The following DCAF8 variants were observed in gnomAD, a reference collection of about 807,000 sequenced individuals.
DCAF8 encodes the protein DDB1 and CUL4 associated factor 8, also known as DDB1- and CUL4-associated factor 8.
Under a neutral mutation model 68.0 loss-of-function variants are expected in DCAF8, and 20 were observed. The ratio of observed to expected loss-of-function variants is 0.29; its 90% CI spans 0.21 to 0.43. The LOEUF (loss-of-function observed/expected upper bound fraction) is 0.43. Ranked by LOEUF, DCAF8 falls within the 20% of genes least tolerant of loss-of-function variation. The pLI is 1.00. For synonymous variants in DCAF8, 230 were observed against 276.9 expected, an observed-to-expected ratio of 0.83 and a Z score of 1.68; for missense variants, 460 against 771.0, an observed-to-expected ratio of 0.60 and a Z score of 4.78.
intron 8 of DCAF8, 75 bp downstream of exon 8, chr1:160,225,516 A>G: frequency 8.3e-7 from 1 of 1,200,458 alleles, no homozygotes; most frequent in Non-Finnish European, 1.2e-6. Flanking sequence ...TCTTCCCACC[A>G]TACCAACAAG....
intron 2 of DCAF8, among the ~76,000 whole-genome samples, chr1:160,245,117 CA>C (rs1656267396): frequency 6.6e-6 from 1 of 152,174 alleles, no homozygotes; most frequent in East Asian, 1.9e-4. Context: ...CATATAATGG[CA>C]AACACTGTTT....
intron 2 of DCAF8, among the ~76,000 whole-genome samples, chr1:160,258,199 T>C (rs1656915384): frequency 6.6e-6 from 1 of 151,954 alleles, no homozygotes; most frequent in Non-Finnish European, 1.5e-5. Context: ...ATACAAAAAT[T>C]AGCCAGGTAC....
chr1:160,246,915 T>C (rs1196069047), intron 2 of DCAF8, among the ~76,000 whole-genome samples: 4 of 152,152 alleles, frequency 2.6e-5, no homozygotes, highest in Non-Finnish European at 4.4e-5. Flanking sequence ...CCTGTGATTA[T>C]ACCACTTCTC....
chr1:160,261,578 C>T (rs1221975040), intron 1 of DCAF8: 5 of 152,208 alleles, frequency 3.3e-5, no homozygotes, highest in Admixed American at 2.0e-4. Flanking sequence ...CCCAGCTCCA[C>T]TAAAACGTAA....
rs1461372344 is a variant in DCAF8, at chr1:160,217,643, G to A, written c.1743C>T (p.Asp581=). Residue 581 remains aspartate, a synonymous_variant, in exon 14 of 14, where the codon GAC becomes GAT. Transcript: ENST00000368074. ...ADSDESPSSS[D]TSDEEEGPDR... is the part of the protein sequence containing the mutation. ...CAGGGCCCTCCTCCTCGTCCGATGTGTCTGAGGAGCTGGGAGACTCATCAG... is the reference window on the plus strand; with the variant it reads ...CAGGGCCCTCCTCCTCGTCCGATGTATCTGAGGAGCTGGGAGACTCATCAG... The A allele has an allele frequency of 6.2e-7, 1 of 1,614,060 alleles. No individual in the cohort carries two copies. Among genetic ancestry groups the A allele is most frequent in the Non-Finnish European group, 8.5e-7 (1 of 1,180,032 alleles).
At position 160,215,785 on chromosome 1, in the gene DCAF8, A is replaced by G. The variant is rs1016834997; in HGVS notation, c.*1807T>C. The stretch of plus-strand genomic sequence containing the variant: ...TTCCAGAGTGCATGGTTTTTAGCCC[A>G]CCCTATCACCCCACCAGCAATAGGA... On this transcript the variant is annotated 3_prime_UTR_variant, in exon 14 of 14. Transcript: ENST00000368074. 1.3e-5 allele frequency: 2 copies of G among 152,186 alleles called. No individual in the cohort carries two copies. The highest frequency in any genetic ancestry group is 4.8e-5 in the African/African-American group (2 of 41,418). 9.4% of individuals were successfully genotyped at this position (152,186 alleles called of 1,614,324 possible). A position where few individuals can be genotyped will look rare whatever the true frequency, so the allele number is the denominator to read the frequency against.
At chr1:160,218,145 C>G (rs1655185140) in intron 13 of DCAF8, 179 bp downstream of exon 13, 2 of 658,772 alleles carry the variant, frequency 3.0e-6, no homozygotes, top group Admixed American at 4.7e-5. Flanking sequence ...AAGTAGATAC[C>G]ACCCTTTTCT....
At chr1:160,225,715 A>G (rs1655451196) in intron 7 of DCAF8, 52 bp from the exon 8 acceptor site, 1 of 1,458,886 alleles carries the variant, frequency 6.9e-7, no homozygotes, top group African/African-American at 1.4e-5. Context: ...GAAACCCTTG[A>G]AGAGCTGCAA....
chr1:160,239,453 GCA>G (rs1252704548), intron 4 of DCAF8: 17 of 1,440,402 alleles, frequency 1.2e-5, no homozygotes, highest in Non-Finnish European at 1.5e-5. Flanking sequence ...CCTCCTACCA[GCA>G]CACATTTAAT....
intron 4 of DCAF8, 106 bp downstream of exon 4, chr1:160,239,591 G>GT (rs1656021215): frequency 6.2e-7 from 1 of 1,609,774 alleles, no homozygotes; most frequent in Non-Finnish European, 8.5e-7. Flanking sequence ...GTCCCGATAT[G>GT]TAATTCCTAC....
chr1:160,253,094 A>C (rs943834627), intron 2 of DCAF8, among the ~76,000 whole-genome samples: 2 of 152,220 alleles, frequency 1.3e-5, no homozygotes, highest in African/African-American at 4.8e-5. Context: ...TGTTCAAGGG[A>C]AGAATCTTGA....
At chr1:160,248,060 C>T (rs1382644818) in intron 2 of DCAF8, among the ~76,000 whole-genome samples, 2 of 152,150 alleles carry the variant, frequency 1.3e-5, no homozygotes, top group Non-Finnish European at 2.9e-5. Context: ...AATCCCAGCA[C>T]TTTGGGAGGC....
chr1:160,256,642 T>C (rs1347096291), intron 2 of DCAF8, among the ~76,000 whole-genome samples: 1 of 152,194 alleles, frequency 6.6e-6, no homozygotes, highest in Non-Finnish European at 1.5e-5. Context: ...CAGACTTCCT[T>C]AAACAGTAAC....
At chr1:160,260,001 T>G (rs1657018177) in intron 2 of DCAF8, among the ~76,000 whole-genome samples, 1 of 151,318 alleles carries the variant, frequency 6.6e-6, no homozygotes, top group African/African-American at 2.4e-5. Context: ...TTGGGAAAAT[T>G]AACCAGAAAA....
intron 2 of DCAF8, among the ~76,000 whole-genome samples, chr1:160,256,647 A>T (rs183158943): frequency 6.6e-6 from 1 of 152,356 alleles, no homozygotes; most frequent in East Asian, 1.9e-4. Flanking sequence ...TTCCTTAAAC[A>T]GTAACTTCAG....
intron 12 of DCAF8, 28 bp from the exon 13 acceptor site, chr1:160,218,468 G>T: frequency 6.4e-7 from 1 of 1,565,992 alleles, no homozygotes; most frequent in South Asian, 1.1e-5. Flanking sequence ...TGGGAAGAGG[G>T]GGCAGCAATG....
chr1:160,239,639 C>T, intron 4 of DCAF8, 58 bp downstream of exon 4: 1 of 1,614,120 alleles, frequency 6.2e-7, no homozygotes, highest in Non-Finnish European at 8.5e-7. Flanking sequence ...TGCTGCAGTT[C>T]AGATTTCTCT....
At chr1:160,229,471 T>C (rs1655595545) in intron 7 of DCAF8, among the ~76,000 whole-genome samples, 1 of 152,188 alleles carries the variant, frequency 6.6e-6, no homozygotes, top group Non-Finnish European at 1.5e-5. Context: ...CAATATGATA[T>C]ACATATCATA....
In DCAF8 at chr1:160,236,398, A is replaced by ATGTG. The variant is rs199723721; in HGVS notation, c.959+733_959+736dup. Among the ~76,000 whole-genome samples, 1,507 of 151,878 alleles carry ATGTG rather than the reference A, an allele frequency of 9.9e-3. 23 individuals carry two copies. The highest frequency in any genetic ancestry group is 0.029 in the African/African-American group (1,185 of 41,380). On this transcript the variant is annotated intron_variant, in intron 6 of 13. Coordinates refer to ENST00000368074, the MANE Select transcript of DCAF8 (RefSeq NM_015726.4). Reference sequence around the variant, plus strand: ...TATATGTGTGTGTATATATGTGTACATGTGTATATGTGTGTGTATATATGT... The same window carrying ATGTG: ...TATATGTGTGTGTATATATGTGTACATGTGTGTGTATATGTGTGTGTATATATGT...
Sources: allele counts gnomAD v4.1 joint callset (sites outside exome capture counted in the v4.1 genomes callset), GRCh38; gene constraint gnomAD v4.1.1; transcripts MANE v1.5; gene names NCBI Gene and HGNC (gene_info 2026-07-23, HGNC 2026-07-21).